ANKS1B: variants seen among roughly 807,000 people sequenced by gnomAD.
The protein encoded by ANKS1B is ankyrin repeat and sterile alpha motif domain containing 1B.
ANKS1B carries 36 observed loss-of-function variants against 148.3 expected under a neutral mutation model. The observed-to-expected ratio is 0.24, with a 90% CI of 0.19 to 0.32. ANKS1B has a LOEUF of 0.32. Ranked by LOEUF, ANKS1B falls within the 10% of genes least tolerant of loss-of-function variation. The pLI is 1.00. For missense variants in ANKS1B, 1,157 were observed against 1,542.6 expected, an observed-to-expected ratio of 0.75 and a Z score of 4.19; for synonymous variants, 542 against 560.8, an observed-to-expected ratio of 0.97 and a Z score of 0.47.
At chr12:98,795,081 T>C in intron 22 of ANKS1B, 1 of 587,348 alleles carries the variant, frequency 1.7e-6, no homozygotes, top group Non-Finnish European at 3.0e-6. Flanking sequence ...TGAAAAATGA[T>C]TAAAATATAT....
At chr12:99,698,733 T>C (rs1235016576) in intron 8 of ANKS1B, among the ~76,000 whole-genome samples, 1 of 152,192 alleles carries the variant, frequency 6.6e-6, no homozygotes, top group Non-Finnish European at 1.5e-5. Context: ...TTGGAAAATT[T>C]CTTTTTCCTC....
At chr12:99,960,654 T>C (rs2095397630) in intron 1 of ANKS1B, among the ~76,000 whole-genome samples, 1 of 152,184 alleles carries the variant, frequency 6.6e-6, no homozygotes, top group South Asian at 2.1e-4. Context: ...TCTAGATTAA[T>C]GTCCTCAACT....
At chr12:98,876,429 T>A (rs1230258200) in intron 17 of ANKS1B, among the ~76,000 whole-genome samples, 2 of 152,232 alleles carry the variant, frequency 1.3e-5, no homozygotes. Context: ...GTGTCGCCAA[T>A]GCACCTTGTA....
At chr12:98,886,054 A>C (rs1051082195) in intron 17 of ANKS1B, among the ~76,000 whole-genome samples, 3 of 152,154 alleles carry the variant, frequency 2.0e-5, no homozygotes, top group Middle Eastern at 3.2e-3. Context: ...AGAGAGAGAG[A>C]GCAACAAAGT....
intron 16 of ANKS1B, among the ~76,000 whole-genome samples, chr12:99,078,363 G>A (rs1472716389): frequency 1.3e-5 from 2 of 152,170 alleles, no homozygotes; most frequent in Non-Finnish European, 2.9e-5. Flanking sequence ...TACATTTTAA[G>A]AAACTGTGCT....
intron 9 of ANKS1B, among the ~76,000 whole-genome samples, chr12:99,600,562 G>A (rs1012766913): frequency 6.6e-6 from 1 of 152,012 alleles, no homozygotes. Flanking sequence ...TGCTTCCGTG[G>A]TCATCAAATC....
chr12:99,608,584 C>G (rs532234089), intron 9 of ANKS1B, among the ~76,000 whole-genome samples: 1 of 152,036 alleles, frequency 6.6e-6, no homozygotes, highest in African/African-American at 2.4e-5. Flanking sequence ...TGCCTTCTCA[C>G]AGCACAAACT....
chr12:99,472,420 T>C (rs2096255892), intron 10 of ANKS1B, among the ~76,000 whole-genome samples: 2 of 152,066 alleles, frequency 1.3e-5, no homozygotes, highest in South Asian at 4.1e-4. Flanking sequence ...TACATTTTCT[T>C]TACACTCTCA....
chr12:99,699,676 G>A (rs944905496), intron 8 of ANKS1B, among the ~76,000 whole-genome samples: 1 of 152,122 alleles, frequency 6.6e-6, no homozygotes, highest in African/African-American at 2.4e-5. Flanking sequence ...TGTAAGACTT[G>A]CTCAAGATTT....
chr12:99,414,717 GA>G (rs964948181), intron 11 of ANKS1B, among the ~76,000 whole-genome samples: 4 of 152,176 alleles, frequency 2.6e-5, no homozygotes, highest in African/African-American at 9.7e-5. Context: ...AGCATTAGGA[GA>G]AATACCTAAC....
At chr12:98,945,021 CT>C (rs1164663579) in intron 17 of ANKS1B, among the ~76,000 whole-genome samples, 1 of 152,146 alleles carries the variant, frequency 6.6e-6, no homozygotes, top group Non-Finnish European at 1.5e-5. Flanking sequence ...TCCCCCACTG[CT>C]TTTTTAACAG....
rs141981870 is a variant in ANKS1B, at chr12:98,907,262, T to A, written c.2779-75126A>T. ...ATATGAAGATGGGCTCCATGCTTGG[T>A]TTAATTCTCTGCAGTCACAGTCTTG... On this transcript the variant is annotated intron_variant, in intron 17 of 26. Transcript: ENST00000683438. 2.0e-5 allele frequency among the ~76,000 whole-genome samples: 3 copies of A among 152,290 alleles called. No homozygotes were observed. In the East Asian group the frequency reaches 5.8e-4, roughly 29 times the overall value.
At chr12:99,556,598 CT>C (rs1441479450) in intron 9 of ANKS1B, among the ~76,000 whole-genome samples, 2 of 152,290 alleles carry the variant, frequency 1.3e-5, no homozygotes, top group African/African-American at 4.8e-5. Flanking sequence ...AATCTTTCCT[CT>C]TAACACTGCT....
At chr12:98,894,539 C>T (rs2099759594) in intron 17 of ANKS1B, 2 of 980,030 alleles carry the variant, frequency 2.0e-6, no homozygotes, top group Non-Finnish European at 2.4e-6. Context: ...CGGCTTCCTC[C>T]GCCTCTGCCC....
chr12:99,752,164 C>G (rs2061165165), intron 8 of ANKS1B, among the ~76,000 whole-genome samples: 1 of 151,920 alleles, frequency 6.6e-6, no homozygotes, highest in Non-Finnish European at 1.5e-5. Flanking sequence ...TCAAACAGGA[C>G]AGAATCACTT....
At chr12:99,173,109 A>G (rs2077970176) in intron 14 of ANKS1B, among the ~76,000 whole-genome samples, 2 of 152,194 alleles carry the variant, frequency 1.3e-5, no homozygotes, top group Non-Finnish European at 2.9e-5. Flanking sequence ...TCTTCAGCAG[A>G]TGTATTAAGA....
intron 14 of ANKS1B, chr12:99,155,171 A>C: frequency 1.4e-5 from 19 of 1,398,458 alleles, no homozygotes; most frequent in Non-Finnish European, 1.7e-5. Flanking sequence ...AACAGAGCTC[A>C]CGACAGGTTC....
chr12:99,719,635 A>T (rs2057856926), intron 8 of ANKS1B, among the ~76,000 whole-genome samples: 1 of 152,178 alleles, frequency 6.6e-6, no homozygotes, highest in South Asian at 2.1e-4. Flanking sequence ...TTGCAAAAGC[A>T]CTAAAAGTCA....
At chr12:99,864,457 A>G (rs1281582161) in intron 1 of ANKS1B, among the ~76,000 whole-genome samples, 1 of 152,194 alleles carries the variant, frequency 6.6e-6, no homozygotes, top group Non-Finnish European at 1.5e-5. Context: ...CATATTATTA[A>G]GTGAAATGTA....
Sources: gnomAD v4.1 joint callset for allele counts (sites outside exome capture counted in the v4.1 genomes callset) on GRCh38, gnomAD v4.1.1 for gene constraint, MANE v1.5 for transcripts, NCBI Gene and HGNC (gene_info 2026-07-23, HGNC 2026-07-21) for gene names.